RGS6: variants seen among roughly 807,000 people sequenced by gnomAD.
The protein encoded by RGS6 is regulator of G-protein signaling 6.
In RGS6, 30 loss-of-function variants were observed where a neutral mutation model predicts 78.5. That is an observed-to-expected ratio of 0.38 (90% CI 0.29 to 0.52). The LOEUF (loss-of-function observed/expected upper bound fraction) is 0.52. Among genes scored for constraint, RGS6 ranks in the 20% least tolerant of loss-of-function variants. The pLI, the probability that RGS6 is intolerant of heterozygous loss-of-function variation, is 0.85. For synonymous variants in RGS6, 206 were observed against 206.0 expected, an observed-to-expected ratio of 1.00 and a Z score of 0.00; for missense variants, 495 against 609.7, an observed-to-expected ratio of 0.81 and a Z score of 1.98.
the RGS6 span, chr14:72,612,559 T>C: frequency 1.2e-4 from 61 of 503,920 alleles, no homozygotes; most frequent in Admixed American, 1.1e-3. Context: ...CTCCTTAGCA[T>C]CTATCACGGC....
At chr14:72,331,577 C>T (rs190472414) in intron 2 of RGS6, among the ~76,000 whole-genome samples, 13 of 152,290 alleles carry the variant, frequency 8.5e-5, no homozygotes, top group African/African-American at 1.9e-4. Flanking sequence ...CCTTTGAGAC[C>T]GCAGTTCCAT....
intron 2 of RGS6, among the ~76,000 whole-genome samples, chr14:72,007,562 C>CTTTATT (rs1030955939): frequency 3.3e-5 from 5 of 152,102 alleles, no homozygotes; most frequent in East Asian, 1.9e-4. Flanking sequence ...ATGCGTGGAC[C>CTTTATT]TTTATTTTTA....
At chr14:72,521,738 T>C (rs1042158008) in intron 15 of RGS6, among the ~76,000 whole-genome samples, 6 of 152,202 alleles carry the variant, frequency 3.9e-5, no homozygotes, top group African/African-American at 7.2e-5. Context: ...CAGAGTGACC[T>C]TGGACAAGTT....
intron 2 of RGS6, among the ~76,000 whole-genome samples, chr14:72,121,349 T>C (rs2096047945): frequency 6.6e-6 from 1 of 152,180 alleles, no homozygotes; most frequent in Non-Finnish European, 1.5e-5. Context: ...GGGTCTTGAA[T>C]AGCTTAAACA....
chr14:72,465,602 T>TGGATGGTTGGGTGGA lies in RGS6; in HGVS notation c.395-156_395-155insGGATGGTTGGGTGGA, dbSNP rs1566914149. 4.7e-3 allele frequency among the ~76,000 whole-genome samples: 463 copies of TGGATGGTTGGGTGGA among 99,124 alleles called. 6 individuals are homozygous for TGGATGGTTGGGTGGA. The highest frequency in any genetic ancestry group is 0.018 in the African/African-American group (447 of 25,202). The allele number at this position is 99,124 out of a possible 152,430, so 65.0% of individuals were successfully genotyped here. A position where few individuals can be genotyped will look rare whatever the true frequency, so the allele number is the denominator to read the frequency against. ...GATGGATGGATGGATGGATGGATGG[T>TGGATGGTTGGGTGGA]TGGGTGGATGGGTGGATGGGTGGAT... On this transcript the variant is annotated intron_variant, in intron 6 of 17. Coordinates refer to ENST00000553525, the MANE Select transcript of RGS6 (RefSeq NM_001204424.2).
intron 2 of RGS6, among the ~76,000 whole-genome samples, chr14:72,152,574 TGAA>T (rs975951206): frequency 2.6e-5 from 4 of 152,144 alleles, no homozygotes; most frequent in Admixed American, 2.6e-4. Context: ...TAACAACACT[TGAA>T]GAAGGTTTTA....
intron 7 of RGS6, 40 bp from the exon 8 acceptor site, chr14:72,469,967 G>T: frequency 6.8e-7 from 1 of 1,472,120 alleles, no homozygotes; most frequent in South Asian, 1.1e-5. Flanking sequence ...GCTAATTTAC[G>T]ATGATTAATG....
intron 12 of RGS6, among the ~76,000 whole-genome samples, chr14:72,488,227 T>A (rs111435012): frequency 4.7e-4 from 72 of 152,382 alleles, no homozygotes; most frequent in African/African-American, 1.7e-3. Context: ...CTTTGTTGCC[T>A]GGTTCAGGTT....
intron 2 of RGS6, among the ~76,000 whole-genome samples, chr14:72,276,308 C>T (rs73302859): frequency 0.04 from 6,164 of 152,218 alleles, 378 homozygotes; most frequent in African/African-American, 0.14. Flanking sequence ...AGCATGTATT[C>T]TCAATGGGGG....
At chr14:72,266,065 T>C (rs1031032585) in intron 2 of RGS6, among the ~76,000 whole-genome samples, 2 of 152,100 alleles carry the variant, frequency 1.3e-5, no homozygotes, top group African/African-American at 4.8e-5. Flanking sequence ...TTCCCTATCA[T>C]CACTCATGAT....
rs1387301746 is a variant in RGS6, at chr14:72,383,213, T to TATATATATATATAC, written c.184+31020_184+31021insTATATATATATACA. ...ATATATATATATATATATATATATA[T>TATATATATATATAC]ACACACAAACACACTAGTATGTGTG... On this transcript the variant is annotated intron_variant, in intron 3 of 17. Transcript: ENST00000553525. Among the ~76,000 whole-genome samples, 174 of 118,280 alleles carry TATATATATATATAC rather than the reference T, an allele frequency of 1.5e-3. 9 individuals are homozygous for TATATATATATATAC. The highest frequency in any genetic ancestry group is 3.3e-3 in the South Asian group (11 of 3,352). 77.6% of individuals were successfully genotyped at this position (118,280 alleles called of 152,430 possible). A position where few individuals can be genotyped will look rare whatever the true frequency, so the allele number is the denominator to read the frequency against.
chr14:72,624,585 C>T, the RGS6 span, among the ~76,000 whole-genome samples: 1 of 152,174 alleles, frequency 6.6e-6, no homozygotes, highest in African/African-American at 2.4e-5. Flanking sequence ...GTAATCCGCC[C>T]GCCTCAGCCT....
At chr14:72,134,505 A>G (rs2096396942) in intron 2 of RGS6, among the ~76,000 whole-genome samples, 2 of 152,226 alleles carry the variant, frequency 1.3e-5, no homozygotes, top group South Asian at 4.1e-4. Flanking sequence ...ATAGTTATTA[A>G]TTAGGTCCTT....
At chr14:72,243,508 C>A (rs1453272913) in intron 2 of RGS6, among the ~76,000 whole-genome samples, 2 of 151,856 alleles carry the variant, frequency 1.3e-5, no homozygotes, top group Non-Finnish European at 1.5e-5. Flanking sequence ...TCATTTGGGT[C>A]TCTCCATTGC....
chr14:72,058,837 A>C (rs993644991), intron 2 of RGS6, among the ~76,000 whole-genome samples: 11 of 152,342 alleles, frequency 7.2e-5, no homozygotes, highest in Non-Finnish European at 1.6e-4. Flanking sequence ...CAAGAATGCT[A>C]TTAACCCAGG....
intron 2 of RGS6, among the ~76,000 whole-genome samples, chr14:72,312,234 T>G (rs984557550): frequency 8.6e-5 from 13 of 151,874 alleles, no homozygotes; most frequent in East Asian, 1.9e-4. Flanking sequence ...TGTTTTTTTT[T>G]TTTTTTTTTG....
At chr14:72,269,556 A>G (rs1242225093) in intron 2 of RGS6, among the ~76,000 whole-genome samples, 1 of 142,810 alleles carries the variant, frequency 7.0e-6, no homozygotes, top group Admixed American at 7.4e-5. Context: ...TTACAGTGAA[A>G]CCTATCTTAA....
At chr14:72,234,974 G>A (rs113026876) in intron 2 of RGS6, among the ~76,000 whole-genome samples, 2 of 152,138 alleles carry the variant, frequency 1.3e-5, no homozygotes, top group African/African-American at 2.4e-5. Flanking sequence ...CCTCAGAGAC[G>A]ATATTCTTGT....
At chr14:71,936,779 C>T (rs2089484515) in intron 1 of RGS6, among the ~76,000 whole-genome samples, 1 of 152,156 alleles carries the variant, frequency 6.6e-6, no homozygotes, top group African/African-American at 2.4e-5. Context: ...TGTATATATA[C>T]ACAAACATGT....
Sources: allele counts gnomAD v4.1 joint callset (sites outside exome capture counted in the v4.1 genomes callset), GRCh38; gene constraint gnomAD v4.1.1; transcripts MANE v1.5; gene names NCBI Gene and HGNC (gene_info 2026-07-23, HGNC 2026-07-21).